FCHSD2: variants seen among roughly 807,000 people sequenced by gnomAD.
FCHSD2 encodes the protein F-BAR and double SH3 domains protein 2.
A neutral mutation model predicts 108.1 loss-of-function variants in FCHSD2; 38 were observed. That is an observed-to-expected ratio of 0.35 (90% CI 0.27 to 0.46). The LOEUF is 0.46. Ranked by LOEUF, FCHSD2 falls within the 20% of genes least tolerant of loss-of-function variation. FCHSD2 has a pLI of 1.00. For missense variants in FCHSD2, 751 were observed against 897.8 expected (o/e 0.84, Z 2.09); for synonymous variants, 279 against 314.7 (o/e 0.89, Z 1.20).
chr11:73,045,027 T>C (rs1377574592), intron 3 of FCHSD2, among the ~76,000 whole-genome samples: 5 of 143,080 alleles, frequency 3.5e-5, no homozygotes, highest in African/African-American at 1.0e-4. Context: ...CCGAGATCGC[T>C]CCACTGCACT....
intron 3 of FCHSD2, chr11:73,077,819 C>A (rs1364437698): frequency 3.8e-6 from 1 of 261,444 alleles, no homozygotes; most frequent in Non-Finnish European, 7.7e-6. Context: ...TGTTCATTAT[C>A]TTGCTTGTGA....
intron 3 of FCHSD2, among the ~76,000 whole-genome samples, chr11:73,064,166 C>T (rs111374724): frequency 1.0e-3 from 159 of 152,256 alleles, no homozygotes; most frequent in Middle Eastern, 3.4e-3. Context: ...GGAAATTGAA[C>T]AACCTGTTCC....
rs573874559 is a variant in FCHSD2 at position 73,019,956 on chromosome 11, G to A, written c.166-4071C>T. Among the ~76,000 whole-genome samples the A allele has an allele frequency of 2.0e-4, 31 of 152,120 alleles. 1 individual carries two copies. The South Asian group carries it at 5.8e-3, about 29-fold the overall frequency. ...TTTCAAATCATTCTCCAAGCCCACA[G>A]CACTACTATCTAAAATTGGTCCACT... On this transcript the variant is annotated intron_variant, in intron 3 of 19. Transcript: ENST00000409418.
At chr11:72,967,441 A>T (rs1856931283) in intron 8 of FCHSD2, among the ~76,000 whole-genome samples, 1 of 152,328 alleles carries the variant, frequency 6.6e-6, no homozygotes, top group East Asian at 1.9e-4. Context: ...AAAAAAATAA[A>T]GTACTATTAC....
chr11:72,986,014 G>T (rs1003905399), intron 6 of FCHSD2, among the ~76,000 whole-genome samples: 3 of 152,116 alleles, frequency 2.0e-5, no homozygotes, highest in African/African-American at 7.2e-5. Context: ...GTTTGGGACT[G>T]GATGATGGAG....
chr11:72,889,393 G>A (rs1855267415), intron 11 of FCHSD2, among the ~76,000 whole-genome samples: 2 of 152,170 alleles, frequency 1.3e-5, no homozygotes, highest in African/African-American at 2.4e-5. Flanking sequence ...GTAAATTAAT[G>A]TATTGCTGAT....
chr11:72,930,581 C>A (rs983326831), intron 8 of FCHSD2, among the ~76,000 whole-genome samples: 13 of 152,062 alleles, frequency 8.5e-5, no homozygotes, highest in Admixed American at 2.6e-4. Context: ...CCCGTCTCTA[C>A]CAAAAATACA....
intron 3 of FCHSD2, among the ~76,000 whole-genome samples, chr11:73,083,104 T>C (rs965417546): frequency 6.6e-6 from 1 of 152,170 alleles, no homozygotes; most frequent in Non-Finnish European, 1.5e-5. Context: ...ATGGGGCATA[T>C]AAAGAAGAAT....
intron 12 of FCHSD2, among the ~76,000 whole-genome samples, chr11:72,879,999 C>CAAAAA (rs541384964): frequency 4.8e-5 from 3 of 63,148 alleles, no homozygotes; most frequent in Admixed American, 1.9e-4. Flanking sequence ...AATTCTGTCT[C>CAAAAA]AAAAAAAAAA....
intron 9 of FCHSD2, among the ~76,000 whole-genome samples, chr11:72,918,413 T>C (rs918423214): frequency 1.3e-5 from 2 of 152,090 alleles, no homozygotes; most frequent in Non-Finnish European, 2.9e-5. Flanking sequence ...GGACTTCCAG[T>C]ACAATGGTTA....
chr11:73,081,046 A>G (rs1859672331), intron 3 of FCHSD2, among the ~76,000 whole-genome samples: 1 of 152,238 alleles, frequency 6.6e-6, no homozygotes, highest in South Asian at 2.1e-4. Flanking sequence ...ATCTTTGTGG[A>G]AAAAGACTGG....
At chr11:73,096,362 G>C (rs1288337925) in intron 2 of FCHSD2, among the ~76,000 whole-genome samples, 1 of 107,214 alleles carries the variant, frequency 9.3e-6, no homozygotes, top group African/African-American at 3.7e-5. Context: ...CCAACATGTT[G>C]AAACCCTGCC....
chr11:72,973,406 T>C (rs1215831220), intron 8 of FCHSD2, among the ~76,000 whole-genome samples: 2 of 151,150 alleles, frequency 1.3e-5, no homozygotes, highest in East Asian at 3.9e-4. Flanking sequence ...AGAAAATGGG[T>C]AAGTTATTTA....
chr11:73,142,095 G>T lies in FCHSD2; in HGVS notation c.-218C>A. The T allele has an allele frequency of 2.1e-6, 1 of 474,924 alleles. No individual in the cohort carries two copies. Among genetic ancestry groups the T allele is most frequent in the East Asian group, 3.8e-5 (1 of 26,328 alleles). 29.4% of individuals were successfully genotyped at this position (474,924 alleles called of 1,614,324 possible). A position where few individuals can be genotyped will look rare whatever the true frequency, so the allele number is the denominator to read the frequency against. On this transcript the variant is annotated 5_prime_UTR_variant, in exon 1 of 20. Transcript: ENST00000409418. ...GAGACGAGGGAGGAGCACCGGGAAG[G>T]CTTGGGGCCCGGGCGGCCCGGGCGG...
intron 8 of FCHSD2, among the ~76,000 whole-genome samples, chr11:72,975,200 T>G (rs1238313895): frequency 6.6e-6 from 1 of 152,226 alleles, no homozygotes; most frequent in East Asian, 1.9e-4. Context: ...TACTACATTT[T>G]CTTTATCCAT....
intron 3 of FCHSD2, among the ~76,000 whole-genome samples, chr11:73,017,731 T>C (rs181562425): frequency 6.6e-6 from 1 of 152,294 alleles, no homozygotes; most frequent in East Asian, 1.9e-4. Context: ...AATGCTCCCA[T>C]TGCATGAAAA....
At chr11:72,934,168 T>C (rs1856253214) in intron 8 of FCHSD2, among the ~76,000 whole-genome samples, 1 of 142,600 alleles carries the variant, frequency 7.0e-6, no homozygotes, top group Non-Finnish European at 1.5e-5. Flanking sequence ...ATCATAAAAG[T>C]ATCATAACAG....
chr11:73,142,099 G>C lies in FCHSD2; in HGVS notation c.-222C>G. 2.1e-6 allele frequency: 1 copy of C among 470,678 alleles called. No individual in the cohort carries two copies. The highest frequency in any genetic ancestry group is 3.7e-6 in the Non-Finnish European group (1 of 266,716). 29.2% of individuals were successfully genotyped at this position (470,678 alleles called of 1,614,324 possible). On this transcript the variant is annotated 5_prime_UTR_variant, in exon 1 of 20. Coordinates refer to ENST00000409418, the MANE Select transcript of FCHSD2 (RefSeq NM_014824.3). Reference sequence around the variant, plus strand: ...CGAGGGAGGAGCACCGGGAAGGCTTGGGGCCCGGGCGGCCCGGGCGGCCCG... The same window carrying C: ...CGAGGGAGGAGCACCGGGAAGGCTTCGGGCCCGGGCGGCCCGGGCGGCCCG...
intron 13 of FCHSD2, among the ~76,000 whole-genome samples, chr11:72,851,773 G>GA (rs951304668): frequency 1.0e-4 from 15 of 148,744 alleles, no homozygotes; most frequent in African/African-American, 3.7e-4. Context: ...AACAAAACAA[G>GA]AAAAAAAATA....
Sources: allele counts gnomAD v4.1 joint callset (sites outside exome capture counted in the v4.1 genomes callset), GRCh38; gene constraint gnomAD v4.1.1; transcripts MANE v1.5; gene names NCBI Gene and HGNC (gene_info 2026-07-23, HGNC 2026-07-21).